Variants in ARHGAP28 observed in about 807,000 individuals in gnomAD.
The protein encoded by ARHGAP28 is rho GTPase-activating protein 28.
In ARHGAP28, 56 loss-of-function variants were observed where a neutral mutation model predicts 90.7. The ratio of observed to expected loss-of-function variants is 0.62; its 90% confidence interval spans 0.50 to 0.77. The LOEUF is 0.77. Ranked by LOEUF, ARHGAP28 falls within the 30% of genes least tolerant of loss-of-function variation. The pLI is 0.00. For missense variants in ARHGAP28, 869 were observed against 900.9 expected (o/e 0.96, Z 0.45); for synonymous variants, 308 against 323.3 (o/e 0.95, Z 0.51).
chr18:6,736,432 A>G (rs1387526136), intron 1 of ARHGAP28, among the ~76,000 whole-genome samples: 1 of 152,026 alleles, frequency 6.6e-6, no homozygotes, highest in East Asian at 1.9e-4. Flanking sequence ...GCAAATGTTT[A>G]TTAATAGGCT....
At chr18:6,752,314 A>T (rs1478476578) in intron 1 of ARHGAP28, among the ~76,000 whole-genome samples, 1 of 152,154 alleles carries the variant, frequency 6.6e-6, no homozygotes, top group Non-Finnish European at 1.5e-5. Context: ...CAATTTCTGG[A>T]GCTGTTTCAA....
At chr18:6,864,058 T>TTTTTA (rs1005202397) in intron 5 of ARHGAP28, among the ~76,000 whole-genome samples, 11 of 152,016 alleles carry the variant, frequency 7.2e-5, no homozygotes, top group African/African-American at 2.2e-4. Flanking sequence ...TTTATTTTTA[T>TTTTTA]TTTTATTTTA....
chr18:6,748,543 C>A (rs974473451), intron 1 of ARHGAP28, among the ~76,000 whole-genome samples: 1 of 152,118 alleles, frequency 6.6e-6, no homozygotes, highest in African/African-American at 2.4e-5. Flanking sequence ...TTGGATGTTT[C>A]TGGCTGATGT....
At chr18:6,857,878 A>G (rs956220280) in intron 4 of ARHGAP28, among the ~76,000 whole-genome samples, 3 of 152,298 alleles carry the variant, frequency 2.0e-5, no homozygotes, top group African/African-American at 7.2e-5. Context: ...AGTTGAGTAG[A>G]TCTATTTTCC....
At chr18:6,872,460 A>G (rs987392945) in intron 7 of ARHGAP28, among the ~76,000 whole-genome samples, 1 of 152,248 alleles carries the variant, frequency 6.6e-6, no homozygotes, top group African/African-American at 2.4e-5. Context: ...GAATGGGCAG[A>G]TACTTTGACT....
chr18:6,804,957 G>T (rs2056507570), intron 1 of ARHGAP28, among the ~76,000 whole-genome samples: 1 of 152,132 alleles, frequency 6.6e-6, no homozygotes, highest in African/African-American at 2.4e-5. Flanking sequence ...CTGTTCTATA[G>T]ATTATTGAAA....
At chr18:6,834,986 C>A (rs2056742455) in intron 2 of ARHGAP28, among the ~76,000 whole-genome samples, 1 of 152,172 alleles carries the variant, frequency 6.6e-6, no homozygotes, top group African/African-American at 2.4e-5. Flanking sequence ...ATTGAATAGG[C>A]AGTCAGATAT....
intron 17 of ARHGAP28, among the ~76,000 whole-genome samples, chr18:6,909,381 C>A (rs2057383986): frequency 6.6e-6 from 1 of 151,252 alleles, no homozygotes; most frequent in African/African-American, 2.4e-5. Flanking sequence ...CAACCTCCGC[C>A]TCCCGGGTTC....
At chr18:6,836,756 G>T (rs1050948935) in intron 2 of ARHGAP28, among the ~76,000 whole-genome samples, 4 of 152,240 alleles carry the variant, frequency 2.6e-5, no homozygotes, top group African/African-American at 9.6e-5. Context: ...GGACACTGAG[G>T]CCTCGAGATA....
At chr18:6,907,974 A>G (rs1205306516) in intron 16 of ARHGAP28, among the ~76,000 whole-genome samples, 2 of 152,134 alleles carry the variant, frequency 1.3e-5, no homozygotes, top group Admixed American at 6.5e-5. Flanking sequence ...TGAAGTAACC[A>G]AGCTGAAAGT....
chr18:6,902,755 T>G (rs1275849359), intron 16 of ARHGAP28, among the ~76,000 whole-genome samples: 1 of 152,210 alleles, frequency 6.6e-6, no homozygotes. Flanking sequence ...GAAAACAGTA[T>G]GGTAATTCCT....
intron 5 of ARHGAP28, among the ~76,000 whole-genome samples, chr18:6,864,170 A>G (rs2057020089): frequency 6.6e-6 from 1 of 152,250 alleles, no homozygotes; most frequent in African/African-American, 2.4e-5. Flanking sequence ...GATTCAAGCC[A>G]TTCTCCTGCC....
At chr18:6,911,526 C>T (rs553558600) in intron 17 of ARHGAP28, among the ~76,000 whole-genome samples, 152 of 152,194 alleles carry the variant, frequency 1.0e-3, no homozygotes, top group African/African-American at 3.4e-3. Context: ...ACCTCAGCCT[C>T]CCAGGTTCAA....
chr18:6,866,582 A>G (rs1323171865), intron 5 of ARHGAP28, among the ~76,000 whole-genome samples: 1 of 152,250 alleles, frequency 6.6e-6, no homozygotes, highest in African/African-American at 2.4e-5. Context: ...TTGGTATTAC[A>G]GAAATTAGTT....
In ARHGAP28 at chr18:6,787,256, C is replaced by T. The variant is rs543000217; in HGVS notation, c.123-37506C>T. Among the ~76,000 whole-genome samples, 485 of 149,014 alleles carry T rather than the reference C, an allele frequency of 3.3e-3. 2 individuals are homozygous for T. The highest frequency in any genetic ancestry group is 5.5e-3 in the Non-Finnish European group (368 of 67,468). ...AAAAAAAAAAAAGGATTGAAGTTGC[C>T]CTTGTAAATGTATTTTGAGGATAAG... On this transcript the variant is annotated intron_variant, in intron 1 of 17. Coordinates refer to ENST00000383472, the MANE Select transcript of ARHGAP28 (RefSeq NM_001366230.1).
chr18:6,898,313 A>G (rs2057318661), intron 16 of ARHGAP28: 1 of 516,728 alleles, frequency 1.9e-6, no homozygotes, highest in Non-Finnish European at 3.4e-6. Context: ...TTTTGGTATT[A>G]GATTATATGA....
chr18:6,877,397 G>T (rs906336671), intron 10 of ARHGAP28, among the ~76,000 whole-genome samples: 3 of 152,224 alleles, frequency 2.0e-5, no homozygotes, highest in Non-Finnish European at 4.4e-5. Context: ...TGGAGGAGCC[G>T]TGTGCTGGGC....
intron 1 of ARHGAP28, among the ~76,000 whole-genome samples, chr18:6,807,305 A>G (rs931024447): frequency 1.3e-5 from 2 of 152,128 alleles, no homozygotes; most frequent in Non-Finnish European, 2.9e-5. Flanking sequence ...GTTCATTTGT[A>G]GTGATTGCAT....
chr18:6,913,297 T>A lies in ARHGAP28; in HGVS notation c.*1143T>A, dbSNP rs754429543. On this transcript the variant is annotated 3_prime_UTR_variant, in exon 18 of 18. Coordinates refer to ENST00000383472, the MANE Select transcript of ARHGAP28 (RefSeq NM_001366230.1). The stretch of plus-strand genomic sequence containing the variant: ...TGCCCAGAACACATAGTCCCCACGT[T>A]TCTAATTTGGAGCAAATCTAAAAGG... The A allele has an allele frequency of 6.6e-6, 1 of 152,158 alleles. No individual in the cohort carries two copies. Among genetic ancestry groups the A allele is most frequent in the Non-Finnish European group, 1.5e-5 (1 of 68,040 alleles). 9.4% of individuals were successfully genotyped at this position (152,158 alleles called of 1,614,324 possible). A position where few individuals can be genotyped will look rare whatever the true frequency, so the allele number is the denominator to read the frequency against.
Sources: gnomAD v4.1 joint callset for allele counts (sites outside exome capture counted in the v4.1 genomes callset) on GRCh38, gnomAD v4.1.1 for gene constraint, MANE v1.5 for transcripts, NCBI Gene and HGNC (gene_info 2026-07-23, HGNC 2026-07-21) for gene names.